PCDH15: variants seen among roughly 807,000 people sequenced by gnomAD.
PCDH15 encodes protocadherin-15.
In PCDH15, 129 loss-of-function variants were observed where a neutral mutation model predicts 178.5. The ratio of observed to expected loss-of-function variants is 0.72; its 90% CI spans 0.63 to 0.84. The LOEUF (loss-of-function observed/expected upper bound fraction) is 0.84, where lower values mean the gene tolerates loss of function less well. PCDH15 is among the 40% of genes least tolerant of loss of function. The pLI, the probability that PCDH15 is intolerant of heterozygous loss-of-function variation, is 0.00. For synonymous variants in PCDH15, 800 were observed against 732.0 expected (o/e 1.09, Z -1.50); for missense variants, 2,230 against 2,099.9 (o/e 1.06, Z -1.21).
At chr10:55,202,465 T>C (rs1239190343) in intron 1 of PCDH15, among the ~76,000 whole-genome samples, 1 of 152,116 alleles carries the variant, frequency 6.6e-6, no homozygotes, top group Non-Finnish European at 1.5e-5. Flanking sequence ...GCCTTTCTGC[T>C]TCAAACACAC....
chr10:55,106,758 C>G (rs1441657247), intron 2 of PCDH15, among the ~76,000 whole-genome samples: 3 of 151,628 alleles, frequency 2.0e-5, no homozygotes, highest in Admixed American at 6.6e-5. Context: ...ATTCTCCCAA[C>G]AAAAAAAGGG....
intron 2 of PCDH15, among the ~76,000 whole-genome samples, chr10:54,957,355 T>C (rs1220044626): frequency 7.3e-5 from 11 of 151,614 alleles, no homozygotes. Context: ...ACATTCAGTT[T>C]ATTTGAGATT....
chr10:55,335,537 C>T (rs920405344), intron 2 of PCDH15, among the ~76,000 whole-genome samples: 2 of 152,066 alleles, frequency 1.3e-5, no homozygotes, highest in South Asian at 2.1e-4. Context: ...GTCAGCATGA[C>T]GTAGGGATAA....
Position 55,488,741 on chromosome 10 carries a change from A to T in PCDH15, c.-156+138884T>A, listed in dbSNP as rs16907465. On this transcript the variant is annotated intron_variant, in intron 2 of 5. Coordinates refer to the PCDH15 transcript ENST00000613346. ...AACAGTTATTGAATCATCATCACCA[A>T]TTTAAAATTATCATGAGAAGTATAA... 4.7e-3 allele frequency among the ~76,000 whole-genome samples: 716 copies of T among 151,684 alleles called. 6 individuals are homozygous for T. The highest frequency in any genetic ancestry group is 0.016 in the African/African-American group (682 of 41,480).
At chr10:54,356,962 C>A (rs9415311) in intron 5 of PCDH15, among the ~76,000 whole-genome samples, 9 of 151,944 alleles carry the variant, frequency 5.9e-5, no homozygotes, top group Admixed American at 2.6e-4. Flanking sequence ...ATTCAACAAC[C>A]CTTCATGCTA....
At chr10:54,896,541 A>G (rs1010531677) in intron 3 of PCDH15, among the ~76,000 whole-genome samples, 2 of 152,106 alleles carry the variant, frequency 1.3e-5, no homozygotes, top group Non-Finnish European at 2.9e-5. Context: ...TAGCTCCATG[A>G]ACTAGATTTT....
At chr10:54,619,951 A>G (rs2093304396) in intron 2 of PCDH15, among the ~76,000 whole-genome samples, 2 of 152,096 alleles carry the variant, frequency 1.3e-5, no homozygotes, top group Non-Finnish European at 2.9e-5. Flanking sequence ...CTGAAAGGGT[A>G]AGAATGGTTT....
intron 17 of PCDH15, among the ~76,000 whole-genome samples, chr10:54,075,716 T>C (rs750537579): frequency 7.2e-5 from 11 of 152,204 alleles, no homozygotes; most frequent in Non-Finnish European, 1.5e-4. Context: ...TTCGTTTGCA[T>C]GTAGAATGAT....
At chr10:54,431,482 T>C (rs573180401) in intron 3 of PCDH15, among the ~76,000 whole-genome samples, 1 of 152,266 alleles carries the variant, frequency 6.6e-6, no homozygotes, top group African/African-American at 2.4e-5. Flanking sequence ...ATACAGCATA[T>C]CAACAGAATG....
intron 2 of PCDH15, among the ~76,000 whole-genome samples, chr10:55,091,335 C>T (rs985899994): frequency 7.9e-5 from 12 of 151,848 alleles, no homozygotes; most frequent in Admixed American, 3.3e-4. Flanking sequence ...TTCATTAAAG[C>T]GAACTATGGC....
chr10:55,412,879 TCACACACA>T (rs71014485), intron 2 of PCDH15, among the ~76,000 whole-genome samples: 1,497 of 134,794 alleles, frequency 0.011, 12 homozygotes, highest in African/African-American at 0.021. Context: ...TCAACAATAA[TCACACACA>T]CACACACACA....
chr10:53,841,024 C>T (rs74622008), intron 28 of PCDH15, among the ~76,000 whole-genome samples: 1 of 151,988 alleles, frequency 6.6e-6, no homozygotes, highest in Admixed American at 6.6e-5. Flanking sequence ...AGGATTACCA[C>T]GTTAAGATAA....
chr10:54,425,608 A>AT (rs1378326332), intron 3 of PCDH15, among the ~76,000 whole-genome samples: 2 of 152,110 alleles, frequency 1.3e-5, no homozygotes, highest in Admixed American at 6.6e-5. Context: ...TTCAGCATGT[A>AT]TTTTTTTATA....
intron 1 of PCDH15, among the ~76,000 whole-genome samples, chr10:55,306,237 A>G (rs1843421631): frequency 6.6e-6 from 1 of 152,218 alleles, no homozygotes; most frequent in Non-Finnish European, 1.5e-5. Flanking sequence ...GAACTTGCCC[A>G]CCTGAAAGTT....
chr10:54,830,596 A>AG (rs1953206683), intron 3 of PCDH15, among the ~76,000 whole-genome samples: 1 of 146,290 alleles, frequency 6.8e-6, no homozygotes, highest in Non-Finnish European at 1.5e-5. Context: ...GGGTGGGGGT[A>AG]GGGGGGAGGG....
intron 25 of PCDH15, among the ~76,000 whole-genome samples, chr10:53,925,045 A>T (rs1210830248): frequency 6.6e-6 from 1 of 152,164 alleles, no homozygotes; most frequent in African/African-American, 2.4e-5. Flanking sequence ...AATCAGCAGG[A>T]TGTGGGTGGG....
At chr10:54,017,124 A>C (rs928579477) in intron 20 of PCDH15, among the ~76,000 whole-genome samples, 2 of 152,052 alleles carry the variant, frequency 1.3e-5, no homozygotes, top group Non-Finnish European at 2.9e-5. Context: ...CCCGGGTTCA[A>C]GCGATTCTCC....
At chr10:54,772,635 G>A (rs1319893231) in intron 1 of PCDH15, among the ~76,000 whole-genome samples, 1 of 152,108 alleles carries the variant, frequency 6.6e-6, no homozygotes, top group Non-Finnish European at 1.5e-5. Flanking sequence ...GTGAGGTTGT[G>A]GAGGAAAGGG....
intron 8 of PCDH15, among the ~76,000 whole-genome samples, chr10:54,302,778 C>G (rs915523603): frequency 6.6e-6 from 1 of 152,158 alleles, no homozygotes; most frequent in South Asian, 2.1e-4. Context: ...GTCGCTCCTC[C>G]TTTGACCTCA....
Sources: allele counts gnomAD v4.1 joint callset (sites outside exome capture counted in the v4.1 genomes callset), GRCh38; gene constraint gnomAD v4.1.1; transcripts MANE v1.5; gene names NCBI Gene and HGNC (gene_info 2026-07-23, HGNC 2026-07-21).